ANKS1A: variants seen among roughly 807,000 people sequenced by gnomAD.
ANKS1A encodes ankyrin repeat and sterile alpha motif domain containing 1A, also known as ankyrin repeat and SAM domain-containing protein 1A.
ANKS1A carries 55 observed loss-of-function variants against 120.3 expected under a neutral mutation model. That is an observed-to-expected ratio of 0.46 (90% confidence interval 0.37 to 0.57). The LOEUF (loss-of-function observed/expected upper bound fraction) is 0.57, where lower values mean the gene tolerates loss of function less well. Among genes scored for constraint, ANKS1A ranks in the 20% least tolerant of loss-of-function variants. The probability of loss-of-function intolerance (pLI) is 0.00; values close to 1 mark genes in which losing one functional copy is unlikely to be tolerated. For synonymous variants in ANKS1A, 590 were observed against 604.7 expected, an observed-to-expected ratio of 0.98 and a Z score of 0.36; for missense variants, 1,123 against 1,480.3, an observed-to-expected ratio of 0.76 and a Z score of 3.96.
chr6:34,931,948 C>T (rs552597612), intron 1 of ANKS1A, among the ~76,000 whole-genome samples: 96 of 152,302 alleles, frequency 6.3e-4, no homozygotes, highest in Non-Finnish European at 1.1e-3. Context: ...ATTACAGATA[C>T]AAATCTGTAT....
chr6:35,039,435 G>C (rs1221509568), intron 11 of ANKS1A: 5 of 375,300 alleles, frequency 1.3e-5, no homozygotes, highest in Non-Finnish European at 2.1e-5. Flanking sequence ...GACCTCAGGT[G>C]ATCCGCCCAC....
At position 35,090,628 on chromosome 6, in the gene ANKS1A, CCTTT is replaced by C. The variant is rs901037174; in HGVS notation, c.*2028_*2031del. 1.0e-5 allele frequency: 10 copies of C among 991,174 alleles called. No individual in the cohort carries two copies. Among genetic ancestry groups the C allele is most frequent in the African/African-American group, 5.2e-5 (3 of 57,224 alleles). 61.4% of individuals were successfully genotyped at this position (991,174 alleles called of 1,614,324 possible). A position where few individuals can be genotyped will look rare whatever the true frequency, so the allele number is the denominator to read the frequency against. Reference sequence around the variant, plus strand: ...TATTCAAGAAAGGAAAATGACTGGGCCTTTCTTTCTTTTCTTCTCCTCTGGGATG... The same window carrying C: ...TATTCAAGAAAGGAAAATGACTGGGCCTTTCTTTTCTTCTCCTCTGGGATG... On this transcript the variant is annotated 3_prime_UTR_variant, in exon 24 of 24. Transcript: ENST00000360359.
intron 13 of ANKS1A, 90 bp from the exon 14 acceptor site, chr6:35,078,468 G>T: frequency 8.6e-7 from 1 of 1,167,930 alleles, no homozygotes. Flanking sequence ...GGAGAATTTG[G>T]TGCAGGGCCC....
chr6:34,939,277 T>C (rs1769412965), intron 1 of ANKS1A, among the ~76,000 whole-genome samples: 1 of 152,098 alleles, frequency 6.6e-6, no homozygotes, highest in Non-Finnish European at 1.5e-5. Flanking sequence ...AATGCACACC[T>C]CCTGTGGACA....
intron 13 of ANKS1A, among the ~76,000 whole-genome samples, chr6:35,064,045 C>T (rs931333512): frequency 1.3e-5 from 2 of 152,204 alleles, no homozygotes; most frequent in African/African-American, 4.8e-5. Flanking sequence ...TGCTGGGGGG[C>T]AGTGACGGGC....
At chr6:35,070,484 C>CTTTTTTTTTTTTTTTTTTTTTTT (rs869249276) in intron 13 of ANKS1A, among the ~76,000 whole-genome samples, 2 of 62,972 alleles carry the variant, frequency 3.2e-5, no homozygotes, top group Non-Finnish European at 2.9e-5. Flanking sequence ...AAGCCTTTAT[C>CTTTTTTTTTTTTTTTTTTTTTTT]TTTTTTTTTT....
At chr6:35,094,165 G>A (rs747680464), downstream of ANKS1A, among the ~76,000 whole-genome samples, 10 of 152,226 alleles carry the variant, frequency 6.6e-5, no homozygotes, top group Non-Finnish European at 1.2e-4. Context: ...TCAGCTAAAA[G>A]AGAAGGTTTA....
chr6:34,979,308 C>G (rs1434972342), intron 3 of ANKS1A, among the ~76,000 whole-genome samples: 1 of 152,176 alleles, frequency 6.6e-6, no homozygotes, highest in Non-Finnish European at 1.5e-5. Flanking sequence ...GTAATAAGAG[C>G]TTATCGTGAT....
chr6:35,033,843 C>T lies in ANKS1A; in HGVS notation c.2010+15784C>T, dbSNP rs1285474491. 5.3e-5 allele frequency among the ~76,000 whole-genome samples: 8 copies of T among 152,160 alleles called. No individual in the cohort carries two copies. The East Asian group carries it at 1.5e-3, about 29-fold the overall frequency. On this transcript the variant is annotated intron_variant, in intron 11 of 23. Coordinates refer to ENST00000360359, the MANE Select transcript of ANKS1A (RefSeq NM_015245.3). ...GAAGGGGTTCACTTCCCCAGGTGGA[C>T]CTGAGCAGGCTGGATGTTGCAGCCT...
At chr6:34,951,064 T>C (rs985330751) in intron 1 of ANKS1A, among the ~76,000 whole-genome samples, 1 of 152,188 alleles carries the variant, frequency 6.6e-6, no homozygotes, top group Non-Finnish European at 1.5e-5. Flanking sequence ...AGAAAAATAC[T>C]CTGTTCCTAC....
intron 11 of ANKS1A, among the ~76,000 whole-genome samples, chr6:35,019,207 G>C (rs959506634): frequency 2.6e-4 from 39 of 152,194 alleles, no homozygotes; most frequent in African/African-American, 9.4e-4. Context: ...ACCCTTGCAA[G>C]CTTCTTACTG....
At chr6:35,031,365 A>G (rs1774901218) in intron 11 of ANKS1A, among the ~76,000 whole-genome samples, 2 of 152,178 alleles carry the variant, frequency 1.3e-5, no homozygotes, top group South Asian at 4.1e-4. Context: ...TAGCAGCTAC[A>G]TGACTCACTA....
At chr6:35,071,251 A>G (rs1777071756) in intron 13 of ANKS1A, among the ~76,000 whole-genome samples, 1 of 142,180 alleles carries the variant, frequency 7.0e-6, no homozygotes, top group Non-Finnish European at 1.5e-5. Context: ...AAAATGTATG[A>G]AATCAAAGGG....
At chr6:35,065,544 G>A (rs754131312) in intron 13 of ANKS1A, among the ~76,000 whole-genome samples, 1 of 152,200 alleles carries the variant, frequency 6.6e-6, no homozygotes, top group Non-Finnish European at 1.5e-5. Context: ...CTCTCAGTAC[G>A]GTAATGTGCC....
intron 11 of ANKS1A, among the ~76,000 whole-genome samples, chr6:35,049,334 G>T (rs998170010): frequency 6.6e-6 from 1 of 152,172 alleles, no homozygotes; most frequent in Non-Finnish European, 1.5e-5. Flanking sequence ...ATTTGTCATC[G>T]AACACCACCA....
At chr6:34,972,706 C>A (rs952868169) in intron 3 of ANKS1A, 18 of 860,206 alleles carry the variant, frequency 2.1e-5, no homozygotes, top group Non-Finnish European at 2.4e-5. Context: ...CCTCTTTGGT[C>A]CTCTCCGCTT....
intron 11 of ANKS1A, among the ~76,000 whole-genome samples, chr6:35,045,212 AAATT>A (rs1775661619): frequency 6.6e-6 from 1 of 152,236 alleles, no homozygotes. Context: ...GTGTCATAAT[AAATT>A]AACTCCTCAT....
rs775697378 is a variant in ANKS1A at position 34,889,643 on chromosome 6, T to A, written c.197+44T>A. 3.2e-6 allele frequency: 4 copies of A among 1,262,440 alleles called. No individual in the cohort carries two copies. In the Admixed American group the frequency reaches 1.3e-4, roughly 41 times the overall value. 78.2% of individuals were successfully genotyped at this position (1,262,440 alleles called of 1,614,324 possible). A position where few individuals can be genotyped will look rare whatever the true frequency, so the allele number is the denominator to read the frequency against. On this transcript the variant is annotated intron_variant, in intron 1 of 23. Transcript: ENST00000360359. The surrounding 1 kb of genome is among the most constrained non-coding windows in gnomAD (Gnocchi z 5.5). The stretch of plus-strand genomic sequence containing the variant: ...CGGGCCGCTGCCTGCAGACCCTTTC[T>A]CCCCCACCCGTCTCTTGGGTCCCCA...
intron 10 of ANKS1A, among the ~76,000 whole-genome samples, chr6:35,001,781 T>G (rs1773181136): frequency 6.6e-6 from 1 of 152,238 alleles, no homozygotes; most frequent in South Asian, 2.1e-4. Context: ...GCACTTGTGC[T>G]TTAGTCCATT....
Sources: gnomAD v4.1 joint callset for allele counts (sites outside exome capture counted in the v4.1 genomes callset) on GRCh38, gnomAD v4.1.1 for gene constraint, Gnocchi (gnomAD v3.1) non-coding constraint, MANE v1.5 for transcripts, NCBI Gene and HGNC (gene_info 2026-07-23, HGNC 2026-07-21) for gene names.